Variants in APPL1 observed in about 807,000 individuals in gnomAD.
The protein encoded by APPL1 is adaptor protein, phosphotyrosine interacting with PH domain and leucine zipper 1.
In APPL1, 42 loss-of-function variants were observed where a neutral mutation model predicts 106.8. The ratio of observed to expected loss-of-function variants is 0.39; its 90% CI spans 0.31 to 0.51. APPL1 has a LOEUF of 0.51. APPL1 is among the 20% of genes least tolerant of loss of function. APPL1 has a pLI of 0.75. For synonymous variants in APPL1, 263 were observed against 281.8 expected (o/e 0.93, Z 0.67); for missense variants, 769 against 858.2 (o/e 0.90, Z 1.30).
intron 20 of APPL1, 30 bp downstream of exon 20, chr3:57,267,822 T>C (rs1196716587): frequency 6.2e-7 from 1 of 1,611,100 alleles, no homozygotes; most frequent in Non-Finnish European, 8.5e-7. Context: ...CTGGGCACAG[T>C]GGTTCACACC....
At chr3:57,260,517 T>C in intron 18 of APPL1, 111 bp from the exon 19 acceptor site, 1 of 1,026,044 alleles carries the variant, frequency 9.7e-7, no homozygotes. Flanking sequence ...ATAATTGGCT[T>C]TAATATATTA....
chr3:57,257,168 T>C, intron 14 of APPL1, 78 bp from the exon 15 acceptor site: 1 of 1,561,482 alleles, frequency 6.4e-7, no homozygotes, highest in Non-Finnish European at 8.7e-7. Context: ...ATATTGTGTT[T>C]TCTTTTTTCA....
intron 10 of APPL1, among the ~76,000 whole-genome samples, chr3:57,249,101 T>C (rs1479417750): frequency 1.3e-5 from 2 of 152,238 alleles, no homozygotes; most frequent in East Asian, 3.8e-4. Flanking sequence ...CTATAACCTA[T>C]ATTTTATGGA....
intron 13 of APPL1, 44 bp downstream of exon 13, chr3:57,253,782 T>C (rs372263777): frequency 4.4e-6 from 6 of 1,353,468 alleles, no homozygotes; most frequent in Non-Finnish European, 5.8e-6. Context: ...CAAAATTGAG[T>C]AATTTTGTGG....
intron 7 of APPL1, 44 bp from the exon 8 acceptor site, chr3:57,246,032 A>G: frequency 1.4e-6 from 2 of 1,423,622 alleles, no homozygotes; most frequent in Non-Finnish European, 1.9e-6. Context: ...TAAGTAAATA[A>G]TAGCAGATTA....
chr3:57,230,800 C>T (rs1034168527), intron 1 of APPL1: 2 of 452,370 alleles, frequency 4.4e-6, no homozygotes, highest in Non-Finnish European at 9.0e-6. Context: ...GAGACAGAGT[C>T]TCACTGTCAC....
chr3:57,244,040 G>C (rs1480130901), intron 7 of APPL1, among the ~76,000 whole-genome samples: 1 of 152,142 alleles, frequency 6.6e-6, no homozygotes, highest in Non-Finnish European at 1.5e-5. Flanking sequence ...AGGATGACAA[G>C]AAGGCATGAA....
intron 6 of APPL1, 67 bp downstream of exon 6, chr3:57,242,209 G>A: frequency 8.3e-7 from 1 of 1,205,566 alleles, no homozygotes; most frequent in Non-Finnish European, 1.2e-6. Flanking sequence ...CATATCTGTG[G>A]CCAGATTCTT....
At chr3:57,255,224 G>A (rs1011596889) in intron 13 of APPL1, among the ~76,000 whole-genome samples, 1 of 152,162 alleles carries the variant, frequency 6.6e-6, no homozygotes, top group Admixed American at 6.5e-5. Context: ...GACAGGAGCT[G>A]CCTGACCTCT....
intron 19 of APPL1, among the ~76,000 whole-genome samples, chr3:57,261,592 C>T (rs1422230898): frequency 6.6e-6 from 1 of 152,166 alleles, no homozygotes; most frequent in Non-Finnish European, 1.5e-5. Flanking sequence ...GATCTTGGCT[C>T]ACTGCAACCT....
chr3:57,261,581 C>T (rs555519445), intron 19 of APPL1, among the ~76,000 whole-genome samples: 146 of 152,194 alleles, frequency 9.6e-4, no homozygotes, highest in Non-Finnish European at 1.5e-3. Flanking sequence ...TGCAGTGGTG[C>T]GATCTTGGCT....
At chr3:57,246,734 T>C (rs1001204068) in intron 8 of APPL1, among the ~76,000 whole-genome samples, 1 of 152,166 alleles carries the variant, frequency 6.6e-6, no homozygotes, top group Admixed American at 6.6e-5. Context: ...GCAGGCACGG[T>C]GCCTTATGCC....
At chr3:57,243,027 T>G in intron 7 of APPL1, 113 bp downstream of exon 7, 3 of 721,276 alleles carry the variant, frequency 4.2e-6, no homozygotes. Flanking sequence ...GTTATATTAC[T>G]ATTAGTTTAT....
At chr3:57,247,888 C>T (rs1275761435) in intron 9 of APPL1, among the ~76,000 whole-genome samples, 1 of 152,034 alleles carries the variant, frequency 6.6e-6, no homozygotes, top group Non-Finnish European at 1.5e-5. Context: ...GGTCAGTCCA[C>T]GGTATGGAGA....
At chr3:57,258,357 C>T (rs11919135) in intron 15 of APPL1, among the ~76,000 whole-genome samples, 6 of 152,156 alleles carry the variant, frequency 3.9e-5, no homozygotes, top group Non-Finnish European at 5.9e-5. Context: ...ACGGGTTCTT[C>T]CTGTGTTGCC....
chr3:57,251,822 AAAT>A (rs374088986), intron 11 of APPL1, among the ~76,000 whole-genome samples: 12 of 152,288 alleles, frequency 7.9e-5, no homozygotes, highest in African/African-American at 2.6e-4. Flanking sequence ...TAGAAAAGCG[AAAT>A]AATGATATGT....
intron 11 of APPL1, 139 bp from the exon 12 acceptor site, chr3:57,252,130 C>T (rs772511317): frequency 2.3e-4 from 158 of 690,874 alleles, no homozygotes; most frequent in Non-Finnish European, 3.7e-4. Context: ...CCTAAGATAC[C>T]GTTGGTTGTG....
intron 4 of APPL1, among the ~76,000 whole-genome samples, chr3:57,240,077 T>A (rs1176643077): frequency 6.6e-6 from 1 of 151,838 alleles, no homozygotes; most frequent in African/African-American, 2.4e-5. Context: ...TCTTTCTAGA[T>A]ACAAGTTACT....
chr3:57,237,257 T>C (rs1476518664), intron 2 of APPL1, among the ~76,000 whole-genome samples: 1 of 152,122 alleles, frequency 6.6e-6, no homozygotes, highest in Admixed American at 6.5e-5. Flanking sequence ...TAGTTTTTAT[T>C]AGCAAAAAAC....
Sources: allele counts gnomAD v4.1 joint callset (sites outside exome capture counted in the v4.1 genomes callset), GRCh38; gene constraint gnomAD v4.1.1; transcripts MANE v1.5; gene names NCBI Gene and HGNC (gene_info 2026-07-23, HGNC 2026-07-21).